BCO2: variants seen among roughly 807,000 people sequenced by gnomAD.
The protein encoded by BCO2 is carotenoid-cleaving dioxygenase, mitochondrial.
A neutral mutation model predicts 65.8 loss-of-function variants in BCO2; 56 were observed. The ratio of observed to expected loss-of-function variants is 0.85; its 90% confidence interval spans 0.69 to 1.06. The LOEUF (loss-of-function observed/expected upper bound fraction) is 1.06, where lower values mean the gene tolerates loss of function less well. Ranked by LOEUF, BCO2 falls within the 50% of genes least tolerant of loss-of-function variation. BCO2 has a pLI of 0.00. For synonymous variants in BCO2, 233 were observed against 242.3 expected (o/e 0.96, Z 0.36); for missense variants, 675 against 698.5 (o/e 0.97, Z 0.38).
chr11:112,198,528 A>G (rs1482178261), intron 5 of BCO2, among the ~76,000 whole-genome samples: 1 of 152,106 alleles, frequency 6.6e-6, no homozygotes, highest in Non-Finnish European at 1.5e-5. Flanking sequence ...AAAATTGTAT[A>G]CAATGAGATA....
At chr11:112,182,938 A>T (rs1447396033) in intron 2 of BCO2, 2 of 1,273,354 alleles carry the variant, frequency 1.6e-6, no homozygotes, top group Non-Finnish European at 2.3e-6. Flanking sequence ...GCCAATTTAG[A>T]AGGTGTTAAT....
intron 2 of BCO2, among the ~76,000 whole-genome samples, chr11:112,187,671 T>C (rs556027006): frequency 4.9e-4 from 75 of 152,114 alleles, no homozygotes; most frequent in African/African-American, 1.1e-3. Flanking sequence ...TCCCCACACT[T>C]CTGATCAGAG....
rs35361223 is a variant in BCO2 at position 112,179,334 on chromosome 11, C to G, written c.145C>G (p.Arg49Gly). 0.046 allele frequency: 73,723 copies of G among 1,614,098 alleles called. 1,902 individuals are homozygous for G. The highest frequency in any genetic ancestry group is 0.053 in the Non-Finnish European group (62,100 of 1,179,988). Residue 49 changes from arginine (R) to glycine (G), a missense_variant, in exon 2 of 12, where the codon CGG (arginine) becomes GGG (glycine). Arg to Gly is a moderately radical substitution (Grantham distance 125, BLOSUM62 -2). Coordinates refer to ENST00000357685, the MANE Select transcript of BCO2 (RefSeq NM_031938.7). ...PQKKAVFGQC[R>G]GLPCVAPLLT... ...GAAAAAAGCCGTCTTTGGGCAGTGTCGGGGTCTGCCATGTGTTGCACCGCT... is the reference window on the plus strand; with the variant it reads ...GAAAAAAGCCGTCTTTGGGCAGTGTGGGGGTCTGCCATGTGTTGCACCGCT...
chr11:112,213,131 C>CTTTTTT lies in BCO2; in HGVS notation c.1195-569_1195-564dup, dbSNP rs35527541. 1.8e-3 allele frequency among the ~76,000 whole-genome samples: 115 copies of CTTTTTT among 63,108 alleles called. 15 individuals are homozygous for CTTTTTT. The highest frequency in any genetic ancestry group is 0.014 in the Middle Eastern group (1 of 70). 41.4% of individuals were successfully genotyped at this position (63,108 alleles called of 152,430 possible). On this transcript the variant is annotated intron_variant, in intron 8 of 11. Coordinates refer to ENST00000357685, the MANE Select transcript of BCO2 (RefSeq NM_031938.7). ...TGTTTATTTGATGCTAATTAAATAA[C>CTTTTTT]TTTTTTTTTTTTTTTTTTTTTTTTT...
chr11:112,190,333 T>C (rs1160953711), intron 2 of BCO2, among the ~76,000 whole-genome samples: 1 of 152,130 alleles, frequency 6.6e-6, no homozygotes, highest in Non-Finnish European at 1.5e-5. Context: ...CTAATAAATA[T>C]TTTGTTAAGA....
In BCO2 at chr11:112,175,615, T is replaced by C; in HGVS notation, c.14T>C (p.Val5Ala). 6.2e-7 allele frequency: 1 copy of C among 1,613,652 alleles called. No homozygotes were observed. The highest frequency in any genetic ancestry group is 8.5e-7 in the Non-Finnish European group (1 of 1,179,590). Residue 5 changes from valine (V) to alanine (A), a missense_variant, in exon 1 of 12, where the codon GTC becomes GCC. Physicochemically the swap from Val to Ala is moderately conservative, Grantham distance 64 (BLOSUM62 0). Coordinates refer to ENST00000357685, the MANE Select transcript of BCO2 (RefSeq NM_031938.7). The stretch of plus-strand genomic sequence containing the variant: ...CTCAATACAAAAATGTTTTTTCGAG[T>C]CTTTCTCCATTTTATCAGGAGTCAT... MFFR[V>A]FLHFIRSHSA...
chr11:112,176,520 G>C lies in BCO2; in HGVS notation c.88+831G>C, dbSNP rs1380114042. On this transcript the variant is annotated intron_variant, in intron 1 of 11. Transcript: ENST00000357685. ...CTAGATGAAGAAAATTGATTGGCGG[G>C]GGGGGGGGAATTAAACATTCTATTT... The C allele has an allele frequency of 2.2e-5, 3 of 136,898 alleles. 1 individual carries two copies. Among genetic ancestry groups the C allele is most frequent in the African/African-American group, 8.0e-5 (3 of 37,412 alleles). 8.5% of individuals were successfully genotyped at this position (136,898 alleles called of 1,614,324 possible).
intron 2 of BCO2, among the ~76,000 whole-genome samples, chr11:112,185,898 G>C (rs1428127944): frequency 6.6e-6 from 1 of 152,102 alleles, no homozygotes; most frequent in East Asian, 1.9e-4. Flanking sequence ...CTGAAACCTT[G>C]TATCCACTGA....
Position 112,208,420 on chromosome 11 carries a change from C to CTT in BCO2, c.1195-5293_1195-5292dup, listed in dbSNP as rs56317720. Among the ~76,000 whole-genome samples, 338 of 142,930 alleles carry CTT rather than the reference C, an allele frequency of 2.4e-3. 5 individuals are homozygous for CTT. Among genetic ancestry groups the CTT allele is most frequent in the East Asian group, 5.6e-3 (28 of 4,982 alleles). 93.8% of individuals were successfully genotyped at this position (142,930 alleles called of 152,430 possible). A position where few individuals can be genotyped will look rare whatever the true frequency, so the allele number is the denominator to read the frequency against. ...ACTCTACATGTAAGCTGTATATTGG[C>CTT]TTTTTTTTTTTTGTCTTATTTCACT... On this transcript the variant is annotated intron_variant, in intron 8 of 11. Transcript: ENST00000357685.
At chr11:112,200,121 A>G (rs1867688946) in intron 6 of BCO2, among the ~76,000 whole-genome samples, 1 of 152,226 alleles carries the variant, frequency 6.6e-6, no homozygotes. Context: ...TAGTAATCAT[A>G]CATGAAAATG....
intron 8 of BCO2, among the ~76,000 whole-genome samples, chr11:112,210,895 G>A (rs1035457040): frequency 6.6e-6 from 1 of 151,954 alleles, no homozygotes; most frequent in African/African-American, 2.4e-5. Flanking sequence ...AAAGGATGAC[G>A]AATATATGGG....
At chr11:112,202,281 C>A in intron 8 of BCO2, 91 bp downstream of exon 8, 1 of 1,193,490 alleles carries the variant, frequency 8.4e-7, no homozygotes, top group South Asian at 1.6e-5. Flanking sequence ...CTCTCTCTCT[C>A]TCTCTCTCTT....
In BCO2 at chr11:112,179,530, G is replaced by C. The variant is rs1308993505; in HGVS notation, c.293+48G>C. 4 of 1,529,406 alleles carry C rather than the reference G, an allele frequency of 2.6e-6. No individual in the cohort carries two copies. The South Asian group carries it at 3.4e-5, about 13-fold the overall frequency. The allele number at this position is 1,529,406 out of a possible 1,614,324, so 94.7% of individuals were successfully genotyped here. ...AACTTGGATTTCTTGGCATGGGCTG[G>C]TTCTGTGGAATATGCATTAATATCT... On this transcript the variant is annotated intron_variant, in intron 2 of 11. Transcript: ENST00000357685.
chr11:112,199,768 A>G lies in BCO2; in HGVS notation c.806A>G (p.Gln269Arg). 2 of 1,613,822 alleles carry G rather than the reference A, an allele frequency of 1.2e-6. No individual in the cohort carries two copies. The highest frequency in any genetic ancestry group is 1.7e-6 in the Non-Finnish European group (2 of 1,179,710). ...CTTGGGGAGACAATCCATGGAGTCC[A>G]GGTGATATGTTCTATTGCTTCTACA... Reference protein sequence around the residue: ...VDLGETIHGVQVICSIASTEK... With the variant: ...VDLGETIHGVRVICSIASTEK... Residue 269 changes from glutamine to arginine, a missense_variant, in exon 6 of 12, where the codon CAG (glutamine) becomes CGG (arginine). Gln to Arg is a conservative substitution (Grantham distance 43). Coordinates refer to ENST00000357685, the MANE Select transcript of BCO2 (RefSeq NM_031938.7).
At chr11:112,183,748 T>C (rs1365422877) in intron 2 of BCO2, among the ~76,000 whole-genome samples, 1 of 152,214 alleles carries the variant, frequency 6.6e-6, no homozygotes, top group Non-Finnish European at 1.5e-5. Context: ...TAAGACTCTT[T>C]TCAGGTTCGT....
intron 2 of BCO2, chr11:112,180,808 C>T (rs1867019383): frequency 1.9e-6 from 2 of 1,034,418 alleles, no homozygotes; most frequent in African/African-American, 3.1e-5. Flanking sequence ...ACGGCAGCCC[C>T]AAGAACGGAA....
chr11:112,200,762 C>A lies in BCO2; in HGVS notation c.1015C>A (p.Arg339Ser), dbSNP rs374481296. 4 of 1,613,628 alleles carry A rather than the reference C, an allele frequency of 2.5e-6. No homozygotes were observed. The Admixed American group carries it at 6.7e-5, about 27-fold the overall frequency. ...TACGCGGTTTCATGTGGTGGAAAAA[C>A]GCACTGGACAGGTGGAGTATTTTGA... is the stretch of plus-strand genomic sequence containing the variant. ...CNTRFHVVEK[R>S]TGQLLPGRYY... Residue 339 changes from arginine to serine, a missense_variant, in exon 7 of 12, where the codon CGC becomes AGC. Physicochemically the swap from Arg to Ser is moderately radical, Grantham distance 110 (BLOSUM62 -1). Transcript: ENST00000357685.
At chr11:112,181,162 A>C in intron 2 of BCO2, 1 of 1,019,586 alleles carries the variant, frequency 9.8e-7, no homozygotes, top group Non-Finnish European at 1.6e-6. Flanking sequence ...GAAGTAAGCA[A>C]GATGATAGAG....
chr11:112,204,190 A>C (rs1867809425), intron 8 of BCO2, among the ~76,000 whole-genome samples: 1 of 152,092 alleles, frequency 6.6e-6, no homozygotes, highest in Non-Finnish European at 1.5e-5. Context: ...TGGATGTTTC[A>C]CTTAACATAA....
Sources: gnomAD v4.1 joint callset for allele counts (sites outside exome capture counted in the v4.1 genomes callset) on GRCh38, gnomAD v4.1.1 for gene constraint, MANE v1.5 for transcripts, NCBI Gene and HGNC (gene_info 2026-07-23, HGNC 2026-07-21) for gene names.